The following LAMA2 variants were observed in gnomAD, a reference collection of about 807,000 sequenced individuals.
The protein encoded by LAMA2 is laminin subunit alpha-2.
A neutral mutation model predicts 364.8 loss-of-function variants in LAMA2; 269 were observed. The ratio of observed to expected loss-of-function variants is 0.74; its 90% CI spans 0.67 to 0.82. The LOEUF (loss-of-function observed/expected upper bound fraction) is 0.82. Among genes scored for constraint, LAMA2 ranks in the 40% least tolerant of loss-of-function variants. LAMA2 has a pLI of 0.00. For synonymous variants in LAMA2, 1,379 were observed against 1,370.6 expected (o/e 1.01, Z -0.14); for missense variants, 3,807 against 3,873.2 (o/e 0.98, Z 0.45).
chr6:129,321,764 G>A (rs1774982799), intron 28 of LAMA2, among the ~76,000 whole-genome samples: 1 of 152,184 alleles, frequency 6.6e-6, no homozygotes, highest in East Asian at 1.9e-4. Flanking sequence ...TTTGTAAATA[G>A]GATTTGAGAA....
intron 40 of LAMA2, among the ~76,000 whole-genome samples, chr6:129,421,652 T>C (rs1781081465): frequency 6.6e-6 from 1 of 152,134 alleles, no homozygotes; most frequent in East Asian, 1.9e-4. Context: ...ACCCATAACA[T>C]GTTAGTGTTT....
chr6:129,514,357 A>C lies in LAMA2; in HGVS notation c.8989-16A>C, dbSNP rs753970588. 2.5e-6 allele frequency: 4 copies of C among 1,574,044 alleles called. No homozygotes were observed. Among genetic ancestry groups the C allele is most frequent in the Non-Finnish European group, 3.5e-6 (4 of 1,143,680 alleles). On this transcript the variant is annotated splice_polypyrimidine_tract_variant and intron_variant, in intron 63 of 64. Transcript: ENST00000421865. ...TAATGAAACCATCTGTGACTGTTCTATTTCCTACTTTCCAGTTGATGTTTC... is the reference window on the plus strand; with the variant it reads ...TAATGAAACCATCTGTGACTGTTCTCTTTCCTACTTTCCAGTTGATGTTTC...
chr6:129,108,267 T>A (rs1456680191), intron 4 of LAMA2, among the ~76,000 whole-genome samples: 5 of 152,140 alleles, frequency 3.3e-5, no homozygotes, highest in East Asian at 3.8e-4. Context: ...TGTTGTTTTT[T>A]AAATATTTTT....
intron 19 of LAMA2, 90 bp from the exon 20 acceptor site, chr6:129,291,524 A>G (rs1789700754): frequency 5.6e-6 from 5 of 890,634 alleles, no homozygotes; most frequent in East Asian, 2.6e-5. Context: ...TTAGGCGTCC[A>G]TGTTACCATG....
intron 1 of LAMA2, among the ~76,000 whole-genome samples, chr6:128,889,158 A>G (rs1776307295): frequency 6.6e-6 from 1 of 152,230 alleles, no homozygotes; most frequent in Non-Finnish European, 1.5e-5. Context: ...AATATGACAG[A>G]TTTTTAAGGG....
intron 6 of LAMA2, among the ~76,000 whole-genome samples, chr6:129,147,364 C>T (rs1015699460): frequency 2.0e-5 from 3 of 150,216 alleles, no homozygotes; most frequent in African/African-American, 7.4e-5. Flanking sequence ...AGAACGCCTG[C>T]CATCAATCAA....
intron 3 of LAMA2, among the ~76,000 whole-genome samples, chr6:129,069,519 A>G (rs1325194314): frequency 6.7e-6 from 1 of 149,138 alleles, no homozygotes; most frequent in African/African-American, 2.4e-5. Context: ...ATAGATCTTG[A>G]AACTGTGACT....
chr6:128,952,003 G>A (rs1201519542), intron 1 of LAMA2, among the ~76,000 whole-genome samples: 2 of 151,698 alleles, frequency 1.3e-5, no homozygotes, highest in African/African-American at 4.8e-5. Flanking sequence ...TGCCTCTAGA[G>A]AAAATGAAAA....
At chr6:129,333,249 C>T (rs1039674998) in intron 29 of LAMA2, among the ~76,000 whole-genome samples, 6 of 152,074 alleles carry the variant, frequency 3.9e-5, no homozygotes, top group Non-Finnish European at 7.4e-5. Flanking sequence ...AAAGCTATAT[C>T]TGTTATAATA....
intron 54 of LAMA2, among the ~76,000 whole-genome samples, chr6:129,479,227 T>C (rs1784235675): frequency 6.6e-6 from 1 of 152,204 alleles, no homozygotes. Context: ...CAAGTAGTAA[T>C]TTACACCGTA....
At chr6:129,191,070 G>A (rs1781497581) in intron 11 of LAMA2, among the ~76,000 whole-genome samples, 1 of 152,168 alleles carries the variant, frequency 6.6e-6, no homozygotes, top group South Asian at 2.1e-4. Flanking sequence ...CAGAATGGTA[G>A]GAAATGGGCT....
At chr6:129,452,437 T>G (rs1418740591) in intron 45 of LAMA2, among the ~76,000 whole-genome samples, 1 of 152,224 alleles carries the variant, frequency 6.6e-6, no homozygotes, top group Admixed American at 6.5e-5. Flanking sequence ...TTCTGAAATG[T>G]ATGTTCTGAG....
chr6:129,076,497 A>ATGTAT (rs1419112913), intron 3 of LAMA2, among the ~76,000 whole-genome samples: 6 of 12,080 alleles, frequency 5.0e-4, no homozygotes, highest in African/African-American at 7.9e-4. Context: ...TATATTATAT[A>ATGTAT]TAAATATATA....
chr6:129,104,581 A>T (rs2114886193), intron 4 of LAMA2, among the ~76,000 whole-genome samples: 1 of 152,266 alleles, frequency 6.6e-6, no homozygotes, highest in African/African-American at 2.4e-5. Flanking sequence ...AAGGATATTC[A>T]AGCCCCCAAT....
intron 4 of LAMA2, among the ~76,000 whole-genome samples, chr6:129,101,166 A>G (rs1249408279): frequency 6.6e-6 from 1 of 152,224 alleles, no homozygotes; most frequent in African/African-American, 2.4e-5. Context: ...GTACTGTAAC[A>G]GTAGTGTATA....
chr6:129,167,821 A>T (rs1194580552), intron 9 of LAMA2, among the ~76,000 whole-genome samples: 1 of 151,356 alleles, frequency 6.6e-6, no homozygotes, highest in Non-Finnish European at 1.5e-5. Flanking sequence ...CCTCTCCAGC[A>T]CCTGTTGTTT....
At chr6:129,441,379 C>T (rs1327439404) in intron 43 of LAMA2, among the ~76,000 whole-genome samples, 1 of 152,050 alleles carries the variant, frequency 6.6e-6, no homozygotes, top group African/African-American at 2.4e-5. Context: ...TTAAGGGGCA[C>T]GTTCATGAAC....
intron 21 of LAMA2, among the ~76,000 whole-genome samples, chr6:129,298,354 T>C (rs1335471002): frequency 6.6e-6 from 1 of 152,134 alleles, no homozygotes; most frequent in Non-Finnish European, 1.5e-5. Flanking sequence ...AACTATGATG[T>C]TCTAAGAGAG....
At position 129,250,125 on chromosome 6, in the gene LAMA2, G is replaced by A. The variant is rs1786065459; in HGVS notation, c.1796G>A (p.Gly599Glu). 1.9e-6 allele frequency: 3 copies of A among 1,600,746 alleles called. No homozygotes were observed. The highest frequency in any genetic ancestry group is 1.7e-4 in the Middle Eastern group (1 of 6,024). Residue 599 changes from glycine (G) to glutamate (E), a missense_variant, in exon 13 of 65, where the codon GGA (glycine) becomes GAA (glutamate). By Grantham distance (98) the Gly-to-Glu change is moderately conservative (BLOSUM62 -2). Transcript: ENST00000421865. The part of the protein sequence containing the change: ...PYLGNKLPAV[G>E]GQLTFTISYD... ...TCTGTCTTGTAGCTCCCAGCAGTAG[G>A]AGGACAGTTGACATTTACCATATCA... is the stretch of plus-strand genomic sequence containing the variant.
Sources: gnomAD v4.1 joint callset for allele counts (sites outside exome capture counted in the v4.1 genomes callset) on GRCh38, gnomAD v4.1.1 for gene constraint, MANE v1.5 for transcripts, NCBI Gene and HGNC (gene_info 2026-07-23, HGNC 2026-07-21) for gene names.